The following OXR1 variants were observed in gnomAD, a reference collection of about 807,000 sequenced individuals.
OXR1 encodes the protein oxidation resistance 1, also known as oxidation resistance protein 1.
In OXR1, 41 loss-of-function variants were observed where a neutral mutation model predicts 104.6. The observed-to-expected ratio is 0.39, with a 90% CI of 0.31 to 0.51. The LOEUF is 0.51. Among genes scored for constraint, OXR1 ranks in the 20% least tolerant of loss-of-function variants. OXR1 has a pLI of 0.77. For synonymous variants in OXR1, 348 were observed against 348.4 expected, an observed-to-expected ratio of 1.00 and a Z score of 0.01; for missense variants, 955 against 1,031.9, an observed-to-expected ratio of 0.93 and a Z score of 1.02.
intron 3 of OXR1, among the ~76,000 whole-genome samples, chr8:106,549,314 G>A (rs1296555648): frequency 6.6e-6 from 1 of 151,614 alleles, no homozygotes; most frequent in Non-Finnish European, 1.5e-5. Context: ...AGGATTTATG[G>A]CTACTTCGTT....
chr8:106,422,954 C>G (rs2130540483), intron 2 of OXR1, among the ~76,000 whole-genome samples: 2 of 152,184 alleles, frequency 1.3e-5, no homozygotes, highest in Middle Eastern at 6.8e-3. Flanking sequence ...TTGGGATTGG[C>G]CAGGAGAGAC....
chr8:106,357,484 G>A (rs973445946), intron 1 of OXR1, among the ~76,000 whole-genome samples: 5 of 152,022 alleles, frequency 3.3e-5, no homozygotes, highest in Non-Finnish European at 2.9e-5. Context: ...GGCAGTCAGG[G>A]TCCAGCTAAA....
chr8:106,586,615 C>T lies in OXR1; in HGVS notation c.220+67476C>T, dbSNP rs546989628. Among the ~76,000 whole-genome samples the T allele has an allele frequency of 9.4e-4, 143 of 152,178 alleles. 1 individual carries two copies. The highest frequency in any genetic ancestry group is 3.2e-3 in the African/African-American group (131 of 41,518). The stretch of plus-strand genomic sequence containing the variant: ...TCAATACATGGGTGATAGCAAAAAC[C>T]ATGGAAGAGCTCAGCAAAGGAGAAA... On this transcript the variant is annotated intron_variant, in intron 3 of 16. Transcript: ENST00000517566.
intron 11 of OXR1, among the ~76,000 whole-genome samples, chr8:106,736,520 G>A (rs1371563981): frequency 6.6e-6 from 1 of 152,140 alleles, no homozygotes; most frequent in East Asian, 1.9e-4. Context: ...TTGATTACAA[G>A]AGGAACTAGT....
chr8:106,661,998 A>G (rs1298421624), intron 3 of OXR1, among the ~76,000 whole-genome samples: 1 of 152,126 alleles, frequency 6.6e-6, no homozygotes, highest in African/African-American at 2.4e-5. Flanking sequence ...CCACTTTTTC[A>G]TTTTAGTCCT....
intron 3 of OXR1, among the ~76,000 whole-genome samples, 170 bp from the exon 4 acceptor site, chr8:106,679,034 TAGGAAG>T (rs1388480606): frequency 2.1e-4 from 32 of 152,036 alleles, no homozygotes; most frequent in African/African-American, 6.5e-4. Flanking sequence ...AGCAAGCAAG[TAGGAAG>T]TTCAGTTCCT....
chr8:106,376,942 C>G (rs1330371184), intron 2 of OXR1, among the ~76,000 whole-genome samples: 1 of 152,116 alleles, frequency 6.6e-6, no homozygotes, highest in Non-Finnish European at 1.5e-5. Flanking sequence ...GGATGTAAGT[C>G]TTCTATACTA....
At chr8:106,442,250 C>T (rs1175388678) in intron 2 of OXR1, among the ~76,000 whole-genome samples, 2 of 152,126 alleles carry the variant, frequency 1.3e-5, no homozygotes, top group African/African-American at 4.8e-5. Context: ...GCCTTGCATC[C>T]TAGGGATGAA....
Position 106,342,417 on chromosome 8 carries a change from AT to A in OXR1, c.-138-17050del, listed in dbSNP as rs578031093. ...AGGTGCCCACCACCATGCCTGGCTAATTTTTTTTTGTAATTTTAGTAGAGAT... is the reference window on the plus strand; with the variant it reads ...AGGTGCCCACCACCATGCCTGGCTAATTTTTTTTGTAATTTTAGTAGAGAT... On this transcript the variant is annotated intron_variant, in intron 1 of 16. Coordinates refer to ENST00000517566, the MANE Select transcript of OXR1 (RefSeq NM_001198533.2). Among the ~76,000 whole-genome samples the A allele has an allele frequency of 3.1e-4, 46 of 149,794 alleles. No individual in the cohort carries two copies. In the East Asian group the frequency reaches 4.1e-3, roughly 13 times the overall value.
intron 3 of OXR1, among the ~76,000 whole-genome samples, chr8:106,596,826 G>A (rs1053463834): frequency 8.5e-5 from 13 of 152,226 alleles, no homozygotes; most frequent in African/African-American, 2.4e-4. Context: ...AGGCTGAGAC[G>A]GGTGGATCAT....
chr8:106,631,455 C>G (rs1822679281), intron 3 of OXR1, among the ~76,000 whole-genome samples: 1 of 152,134 alleles, frequency 6.6e-6, no homozygotes, highest in African/African-American at 2.4e-5. Context: ...TAGAAATATT[C>G]ACCCTTCAAC....
chr8:106,469,572 G>A (rs1172091237), intron 2 of OXR1, among the ~76,000 whole-genome samples: 1 of 151,830 alleles, frequency 6.6e-6, no homozygotes, highest in Non-Finnish European at 1.5e-5. Flanking sequence ...AGACTTGAAT[G>A]CTTGGCTAGG....
intron 1 of OXR1, among the ~76,000 whole-genome samples, chr8:106,304,104 G>A (rs1392811151): frequency 2.0e-5 from 3 of 152,058 alleles, no homozygotes; most frequent in African/African-American, 7.2e-5. Flanking sequence ...CTCTAATTTA[G>A]TTTGTTACTG....
At chr8:106,539,790 A>G (rs1439474464) in intron 3 of OXR1, among the ~76,000 whole-genome samples, 1 of 152,210 alleles carries the variant, frequency 6.6e-6, no homozygotes, top group Non-Finnish European at 1.5e-5. Context: ...CAGATGGGAC[A>G]GTGGTCCCTA....
At chr8:106,691,130 C>G (rs1469044080) in intron 6 of OXR1, among the ~76,000 whole-genome samples, 3 of 151,936 alleles carry the variant, frequency 2.0e-5, no homozygotes, top group African/African-American at 7.2e-5. Flanking sequence ...TTTGCCCTAG[C>G]AATGCTTTGC....
intron 2 of OXR1, among the ~76,000 whole-genome samples, chr8:106,436,387 G>A (rs1455971040): frequency 6.6e-6 from 1 of 152,052 alleles, no homozygotes; most frequent in Non-Finnish European, 1.5e-5. Context: ...ACAGCCCAAA[G>A]TTGTAATCAC....
chr8:106,275,778 A>C (rs1430221529), intron 1 of OXR1, among the ~76,000 whole-genome samples: 2 of 151,778 alleles, frequency 1.3e-5, no homozygotes, highest in Non-Finnish European at 2.9e-5. Flanking sequence ...TGAATTCAGG[A>C]GCAACAACAA....
intron 11 of OXR1, chr8:106,729,861 A>G (rs1197880609): frequency 6.6e-6 from 1 of 152,168 alleles, no homozygotes; most frequent in Non-Finnish European, 1.5e-5. Context: ...ACACTGACTC[A>G]GTAGTTGAAA....
chr8:106,669,861 G>T (rs1826754607), intron 3 of OXR1, among the ~76,000 whole-genome samples: 1 of 152,042 alleles, frequency 6.6e-6, no homozygotes, highest in African/African-American at 2.4e-5. Context: ...AAGTCCTTCA[G>T]GAGTTCTGAG....
Sources: gnomAD v4.1 joint callset for allele counts (sites outside exome capture counted in the v4.1 genomes callset) on GRCh38, gnomAD v4.1.1 for gene constraint, MANE v1.5 for transcripts, NCBI Gene and HGNC (gene_info 2026-07-23, HGNC 2026-07-21) for gene names.